CASK: variants seen among roughly 807,000 people sequenced by gnomAD.
CASK encodes the protein calcium/calmodulin dependent serine protein kinase, also known as peripheral plasma membrane protein CASK.
In CASK, 4 loss-of-function variants were observed where a neutral mutation model predicts 82.9. The observed-to-expected ratio is 0.05, with a 90% CI of 0.02 to 0.11. The LOEUF is 0.11. CASK is among the 10% of genes least tolerant of loss of function. The pLI is 1.00. For synonymous variants in CASK, 259 were observed against 253.5 expected, an observed-to-expected ratio of 1.02 and a Z score of -0.20; for missense variants, 358 against 720.9, an observed-to-expected ratio of 0.50 and a Z score of 5.76.
At chrX:41,862,669 G>C (rs1224238648) in intron 1 of CASK, among the ~76,000 whole-genome samples, 1 of 110,857 alleles carries the variant, frequency 9.0e-6, no homozygotes, top group Non-Finnish European at 1.9e-5. Context: ...CACTATGACA[G>C]AGAGTGAGAG....
At chrX:41,758,555 A>G (rs1383107880) in intron 3 of CASK, among the ~76,000 whole-genome samples, 2 of 110,905 alleles carry the variant, frequency 1.8e-5, no homozygotes, top group Non-Finnish European at 3.8e-5. Context: ...CATGGTAGTT[A>G]AGAGGACAGC....
chrX:41,569,146 T>A (rs1157492084), intron 16 of CASK, among the ~76,000 whole-genome samples: 1 of 112,366 alleles, frequency 8.9e-6, no homozygotes. Context: ...CTCTATGATG[T>A]CCTAATTTAT....
intron 3 of CASK, among the ~76,000 whole-genome samples, chrX:41,768,319 CA>C (rs1189656093): frequency 9.0e-6 from 1 of 111,493 alleles, no homozygotes; most frequent in Non-Finnish European, 1.9e-5. Flanking sequence ...CATTCAGAAA[CA>C]AAAATCTAGG....
chrX:41,745,681 A>AATAACTT, intron 3 of CASK, 80 bp from the exon 4 acceptor site: 3 of 652,900 alleles, frequency 4.6e-6, no homozygotes, highest in African/African-American at 2.1e-5. Context: ...CATTGTAACT[A>AATAACTT]AGTTATTAGT....
rs768167567 is a variant in CASK, at chrX:41,555,615, T to C, written c.1827A>G (p.Gln609=). 1.7e-6 allele frequency: 2 copies of C among 1,205,374 alleles called. No homozygotes were observed. The highest frequency in any genetic ancestry group is 3.0e-5 in the East Asian group (1 of 33,834). Residue 609 remains glutamine, a synonymous_variant, in exon 20 of 27, where the codon CAA becomes CAG. Coordinates refer to ENST00000378163, the MANE Select transcript of CASK (RefSeq NM_001367721.1). Reference sequence around the variant, plus strand: ...ATCTATTCACCTGTCGTCCTTTTGGTTGGGTAGTTGATGGCAAGTCCTGTA... The same window carrying C: ...ATCTATTCACCTGTCGTCCTTTTGGCTGGGTAGTTGATGGCAAGTCCTGTA... ...NSVSDLPSTT[Q]PKGRQIYVRA...
intron 5 of CASK, among the ~76,000 whole-genome samples, chrX:41,677,156 TG>T (rs1170380349): frequency 1.4e-5 from 1 of 69,855 alleles, no homozygotes; most frequent in East Asian, 4.0e-4. Flanking sequence ...TATAGAAAAA[TG>T]AAAAAAAAAA....
At chrX:41,889,503 T>C (rs762862864) in intron 1 of CASK, among the ~76,000 whole-genome samples, 1 of 111,587 alleles carries the variant, frequency 9.0e-6, no homozygotes, top group Admixed American at 9.5e-5. Context: ...TGACTGGTTA[T>C]TTTAATGCAA....
At chrX:41,624,030 T>C (rs1386238983) in intron 10 of CASK, among the ~76,000 whole-genome samples, 3 of 112,415 alleles carry the variant, frequency 2.7e-5, no homozygotes, top group Non-Finnish European at 3.8e-5. Flanking sequence ...TTTCTAAAGA[T>C]GAAAATGGTA....
At chrX:41,534,635 A>C in intron 24 of CASK, 71 bp downstream of exon 24, 1 of 860,039 alleles carries the variant, frequency 1.2e-6, no homozygotes, top group Non-Finnish European at 1.7e-6. Context: ...AATCAGAAAA[A>C]AATACATAAA....
intron 5 of CASK, among the ~76,000 whole-genome samples, chrX:41,693,671 C>T (rs887529942): frequency 4.5e-5 from 5 of 111,613 alleles, no homozygotes; most frequent in Non-Finnish European, 9.4e-5. Flanking sequence ...TCACAAGAAA[C>T]ATGCCTATAC....
intron 3 of CASK, 128 bp downstream of exon 3, chrX:41,787,050 G>T (rs1189742644): frequency 4.9e-5 from 25 of 509,056 alleles, no homozygotes; most frequent in Admixed American, 3.6e-4. Context: ...CTTTTTTCTT[G>T]TGACTTTAGG....
intron 22 of CASK, among the ~76,000 whole-genome samples, chrX:41,535,316 C>T (rs1036021935): frequency 5.4e-5 from 6 of 110,626 alleles, no homozygotes; most frequent in African/African-American, 2.0e-4. Context: ...CATATTTTTC[C>T]AATTCTAAGA....
chrX:41,706,791 A>G (rs1342277119), intron 5 of CASK, among the ~76,000 whole-genome samples: 1 of 111,896 alleles, frequency 8.9e-6, no homozygotes, highest in Admixed American at 9.5e-5. Flanking sequence ...AGTAGGGACC[A>G]CAGGCAAGTG....
chrX:41,822,402 C>T (rs1419687842), intron 2 of CASK, among the ~76,000 whole-genome samples: 1 of 108,155 alleles, frequency 9.2e-6, no homozygotes, highest in Admixed American at 9.9e-5. Flanking sequence ...TACTAAAACA[C>T]AAAAGATTAG....
chrX:41,801,996 G>A (rs1486731135), intron 2 of CASK, among the ~76,000 whole-genome samples: 2 of 110,844 alleles, frequency 1.8e-5, no homozygotes, highest in Non-Finnish European at 3.8e-5. Flanking sequence ...ACCTGCTTAA[G>A]AACAAAAGAT....
intron 8 of CASK, among the ~76,000 whole-genome samples, chrX:41,646,045 C>A (rs2066752119): frequency 1.8e-5 from 2 of 111,310 alleles, no homozygotes; most frequent in Non-Finnish European, 3.8e-5. Flanking sequence ...AAATACCCCC[C>A]TCTGTGCCTC....
At chrX:41,634,649 CA>C (rs1385536364) in intron 9 of CASK, among the ~76,000 whole-genome samples, 1 of 112,298 alleles carries the variant, frequency 8.9e-6, no homozygotes, top group Admixed American at 9.5e-5. Flanking sequence ...CAACCCCATA[CA>C]GCGTAATGTC....
rs1429647241 is a variant in CASK, at chrX:41,845,158, G to A, written c.172+7957C>T. ...TGAAAAGAATGTATAGTCTCCTGTTGTTGAGTGGAGTGTTCTACAGATGTC... is the reference window on the plus strand; with the variant it reads ...TGAAAAGAATGTATAGTCTCCTGTTATTGAGTGGAGTGTTCTACAGATGTC... On this transcript the variant is annotated intron_variant, in intron 2 of 26. Coordinates refer to ENST00000378163, the MANE Select transcript of CASK (RefSeq NM_001367721.1). Among the ~76,000 whole-genome samples, 3 of 112,118 alleles carry A rather than the reference G, an allele frequency of 2.7e-5. No individual in the cohort carries two copies. The East Asian group carries it at 8.3e-4, about 31-fold the overall frequency.
chrX:41,869,812 C>CCAAAAAAAAAAAAAAAAAAAAA (rs2071666697), intron 1 of CASK, among the ~76,000 whole-genome samples: 1 of 12,111 alleles, frequency 8.3e-5, no homozygotes, highest in Non-Finnish European at 1.2e-4. Context: ...GACTCTGTCT[C>CCAAAAAAAAAAAAAAAAAAAAA]AAAAAAAAAA....
Sources: allele counts gnomAD v4.1 joint callset (sites outside exome capture counted in the v4.1 genomes callset), GRCh38; gene constraint gnomAD v4.1.1; transcripts MANE v1.5; gene names NCBI Gene and HGNC (gene_info 2026-07-23, HGNC 2026-07-21).